CAMK1D: variants seen among roughly 807,000 people sequenced by gnomAD.
The protein encoded by CAMK1D is calcium/calmodulin dependent protein kinase ID, also known as calcium/calmodulin-dependent protein kinase type 1D.
In CAMK1D, 9 loss-of-function variants were observed where a neutral mutation model predicts 47.7. That is an observed-to-expected ratio of 0.19 (90% CI 0.11 to 0.33). CAMK1D has a LOEUF of 0.33. CAMK1D is among the 10% of genes least tolerant of loss of function. The pLI is 1.00. For synonymous variants in CAMK1D, 184 were observed against 184.9 expected (o/e 0.99, Z 0.04); for missense variants, 291 against 488.7 (o/e 0.60, Z 3.81).
chr10:12,379,627 T>A (rs902523761), intron 1 of CAMK1D, among the ~76,000 whole-genome samples: 9 of 151,812 alleles, frequency 5.9e-5, no homozygotes, highest in Non-Finnish European at 1.3e-4. Context: ...GTGGTGCACA[T>A]CTGTAATCCC....
chr10:12,734,114 G>A (rs1269265675), intron 3 of CAMK1D, among the ~76,000 whole-genome samples: 1 of 151,158 alleles, frequency 6.6e-6, no homozygotes, highest in Non-Finnish European at 1.5e-5. Flanking sequence ...GATCACTTGA[G>A]GTCAGGAGTT....
chr10:12,741,312 C>T (rs768084757), intron 3 of CAMK1D, among the ~76,000 whole-genome samples: 1 of 152,144 alleles, frequency 6.6e-6, no homozygotes, highest in Non-Finnish European at 1.5e-5. Context: ...AGTTACGAAC[C>T]GCCGGGTTAG....
chr10:12,777,040 A>G (rs1235514879), intron 5 of CAMK1D, among the ~76,000 whole-genome samples: 1 of 152,226 alleles, frequency 6.6e-6, no homozygotes, highest in Non-Finnish European at 1.5e-5. Flanking sequence ...ATTTGCAGAT[A>G]GAGAATCCTT....
intron 1 of CAMK1D, among the ~76,000 whole-genome samples, chr10:12,358,200 G>A (rs1187140628): frequency 1.3e-5 from 2 of 152,202 alleles, no homozygotes; most frequent in East Asian, 3.9e-4. Context: ...ACCCCAGCCT[G>A]GGTGACAGAG....
chr10:12,803,639 AG>A (rs1838581597), intron 6 of CAMK1D, among the ~76,000 whole-genome samples: 1 of 152,116 alleles, frequency 6.6e-6, no homozygotes, highest in Non-Finnish European at 1.5e-5. Context: ...TGGGTAACAG[AG>A]GGAGACTCCA....
chr10:12,667,443 C>T (rs367618112), intron 3 of CAMK1D, among the ~76,000 whole-genome samples: 39 of 152,276 alleles, frequency 2.6e-4, no homozygotes, highest in African/African-American at 9.4e-4. Flanking sequence ...CAAATAAAGA[C>T]TTTACTTGAA....
At chr10:12,645,514 G>GC (rs1017231659) in intron 2 of CAMK1D, among the ~76,000 whole-genome samples, 14 of 152,328 alleles carry the variant, frequency 9.2e-5, no homozygotes, top group Admixed American at 6.5e-4. Flanking sequence ...GAGATGAAGA[G>GC]CTGGGTCTCA....
chr10:12,350,211 C>G (rs1032041848), intron 1 of CAMK1D, among the ~76,000 whole-genome samples: 1 of 152,200 alleles, frequency 6.6e-6, no homozygotes, highest in Non-Finnish European at 1.5e-5. Context: ...TGCCTTCTCC[C>G]CACGCGTGAC....
intron 1 of CAMK1D, among the ~76,000 whole-genome samples, chr10:12,488,081 A>T (rs776353688): frequency 6.6e-6 from 1 of 152,026 alleles, no homozygotes; most frequent in Non-Finnish European, 1.5e-5. Context: ...AATTCTCCCA[A>T]CCCCATTCAC....
At chr10:12,609,471 C>T (rs1217256884) in intron 2 of CAMK1D, among the ~76,000 whole-genome samples, 5 of 152,130 alleles carry the variant, frequency 3.3e-5, no homozygotes, top group African/African-American at 1.2e-4. Context: ...CCAGTGGCAG[C>T]CCTGAGCTTG....
At chr10:12,398,676 A>G (rs1411948690) in intron 1 of CAMK1D, among the ~76,000 whole-genome samples, 1 of 152,144 alleles carries the variant, frequency 6.6e-6, no homozygotes. Flanking sequence ...AGTTATTGTG[A>G]TGATGATTCT....
intron 2 of CAMK1D, among the ~76,000 whole-genome samples, chr10:12,662,543 C>A (rs1175121963): frequency 6.6e-6 from 1 of 151,796 alleles, no homozygotes; most frequent in African/African-American, 2.4e-5. Flanking sequence ...TCCCAGCTAC[C>A]AGGGAGGCTG....
intron 1 of CAMK1D, among the ~76,000 whole-genome samples, chr10:12,452,923 G>A (rs1365412193): frequency 6.6e-6 from 1 of 152,000 alleles, no homozygotes; most frequent in African/African-American, 2.4e-5. Context: ...TCACATTGTT[G>A]TGCAGCCATC....
intron 1 of CAMK1D, among the ~76,000 whole-genome samples, chr10:12,455,548 C>T (rs1833217108): frequency 6.6e-6 from 1 of 152,176 alleles, no homozygotes; most frequent in Admixed American, 6.5e-5. Context: ...AATGGAATTG[C>T]ACTTATGTTT....
At chr10:12,535,526 A>G (rs1199835725) in intron 1 of CAMK1D, among the ~76,000 whole-genome samples, 3 of 152,180 alleles carry the variant, frequency 2.0e-5, no homozygotes, top group African/African-American at 7.2e-5. Flanking sequence ...GGAGTTAAGT[A>G]AAGTTATTAA....
chr10:12,826,755 ATC>A (rs1833222605), intron 10 of CAMK1D, among the ~76,000 whole-genome samples: 1 of 152,200 alleles, frequency 6.6e-6, no homozygotes, highest in East Asian at 1.9e-4. Flanking sequence ...TTCCCAAGAA[ATC>A]TCTGTGAGTG....
At chr10:12,774,344 C>T (rs1031404736) in intron 5 of CAMK1D, among the ~76,000 whole-genome samples, 2 of 151,914 alleles carry the variant, frequency 1.3e-5, no homozygotes, top group East Asian at 1.9e-4. Context: ...TTGATAGGAG[C>T]GAGAGAACCG....
intron 3 of CAMK1D, among the ~76,000 whole-genome samples, chr10:12,715,762 C>G (rs1564513496): frequency 6.7e-6 from 1 of 149,674 alleles, no homozygotes; most frequent in Non-Finnish European, 1.5e-5. Flanking sequence ...TCTCTCTCGC[C>G]CAGGCTGGAG....
At chr10:12,625,622 C>T (rs960269383) in intron 2 of CAMK1D, among the ~76,000 whole-genome samples, 1 of 151,530 alleles carries the variant, frequency 6.6e-6, no homozygotes, top group Admixed American at 6.6e-5. Flanking sequence ...TGAGCCCCCA[C>T]GCCCCGCCCC....
Sources: gnomAD v4.1 joint callset for allele counts (sites outside exome capture counted in the v4.1 genomes callset) on GRCh38, gnomAD v4.1.1 for gene constraint, MANE v1.5 for transcripts, NCBI Gene and HGNC (gene_info 2026-07-23, HGNC 2026-07-21) for gene names.